The following SLC10A7 variants were observed in gnomAD, a reference collection of about 807,000 sequenced individuals.
SLC10A7 encodes the protein sodium/bile acid cotransporter 7.
In SLC10A7, 29 loss-of-function variants were observed where a neutral mutation model predicts 43.2. That is an observed-to-expected ratio of 0.67 (90% CI 0.50 to 0.92). SLC10A7 has a LOEUF of 0.92. Ranked by LOEUF, SLC10A7 falls within the 40% of genes least tolerant of loss-of-function variation. The pLI, the probability that SLC10A7 is intolerant of heterozygous loss-of-function variation, is 0.00. For missense variants in SLC10A7, 295 were observed against 403.2 expected, an observed-to-expected ratio of 0.73 and a Z score of 2.30; for synonymous variants, 152 against 144.8, an observed-to-expected ratio of 1.05 and a Z score of -0.35.
At chr4:146,453,039 A>G (rs528658911) in intron 4 of SLC10A7, among the ~76,000 whole-genome samples, 32 of 150,866 alleles carry the variant, frequency 2.1e-4, no homozygotes, top group Admixed American at 4.6e-4. Context: ...GTGTGTGTAT[A>G]TATATATATA....
intron 5 of SLC10A7, among the ~76,000 whole-genome samples, chr4:146,361,920 T>A (rs1256488837): frequency 2.6e-5 from 4 of 152,050 alleles, no homozygotes. Context: ...AAGCAAAAAT[T>A]CTGGAGCTGA....
intron 5 of SLC10A7, among the ~76,000 whole-genome samples, chr4:146,374,944 G>A (rs1013855621): frequency 4.6e-5 from 7 of 152,094 alleles, no homozygotes; most frequent in Non-Finnish European, 1.0e-4. Flanking sequence ...GGTGGCTTAC[G>A]CCTGTAATCC....
intron 5 of SLC10A7, among the ~76,000 whole-genome samples, chr4:146,382,467 T>C (rs1408279398): frequency 1.3e-5 from 2 of 152,158 alleles, no homozygotes; most frequent in East Asian, 3.9e-4. Context: ...TTTGTATCTT[T>C]AATAACGAGT....
chr4:146,398,429 T>A (rs1738989332), intron 5 of SLC10A7, among the ~76,000 whole-genome samples: 1 of 152,140 alleles, frequency 6.6e-6, no homozygotes, highest in Non-Finnish European at 1.5e-5. Flanking sequence ...ACAAAAGAAG[T>A]CAGAGAAGAA....
At chr4:146,447,961 G>A (rs1467518669) in intron 4 of SLC10A7, among the ~76,000 whole-genome samples, 5 of 150,424 alleles carry the variant, frequency 3.3e-5, no homozygotes, top group East Asian at 1.9e-4. Context: ...GCAAACTATC[G>A]CAAGGACAAA....
At chr4:146,302,978 G>A (rs1316431191) in intron 7 of SLC10A7, among the ~76,000 whole-genome samples, 1 of 152,164 alleles carries the variant, frequency 6.6e-6, no homozygotes, top group African/African-American at 2.4e-5. Flanking sequence ...TGCAGGGAGT[G>A]TTAGGTGAGT....
intron 5 of SLC10A7, among the ~76,000 whole-genome samples, chr4:146,373,743 C>T (rs1456475227): frequency 6.6e-6 from 1 of 152,114 alleles, no homozygotes; most frequent in Non-Finnish European, 1.5e-5. Flanking sequence ...CCACCAGAAT[C>T]TTAATTTAAT....
At chr4:146,369,480 C>T (rs374151051) in intron 5 of SLC10A7, among the ~76,000 whole-genome samples, 29 of 152,154 alleles carry the variant, frequency 1.9e-4, no homozygotes, top group African/African-American at 5.8e-4. Context: ...GAAGCAAACA[C>T]GCTGATAAAA....
chr4:146,453,832 T>C (rs1731809433), intron 4 of SLC10A7, among the ~76,000 whole-genome samples: 1 of 151,938 alleles, frequency 6.6e-6, no homozygotes. Flanking sequence ...TTAACACTTT[T>C]AAAGCCCTGG....
intron 4 of SLC10A7, among the ~76,000 whole-genome samples, chr4:146,466,480 T>G (rs959932393): frequency 2.0e-5 from 3 of 152,130 alleles, no homozygotes; most frequent in Admixed American, 6.6e-5. Flanking sequence ...GAATTTCATT[T>G]TTTCCCCCAA....
chr4:146,414,310 A>G (rs1214613402), intron 5 of SLC10A7, among the ~76,000 whole-genome samples: 4 of 152,228 alleles, frequency 2.6e-5, no homozygotes, highest in South Asian at 2.1e-4. Context: ...CCACGAAAAG[A>G]CACCAAGTAG....
chr4:146,517,860 T>C (rs1406715114), intron 1 of SLC10A7, among the ~76,000 whole-genome samples: 1 of 152,214 alleles, frequency 6.6e-6, no homozygotes, highest in African/African-American at 2.4e-5. Flanking sequence ...CAAAAGCTTA[T>C]AATCACACAT....
At chr4:146,497,622 C>T (rs1337780778) in intron 4 of SLC10A7, among the ~76,000 whole-genome samples, 1 of 152,120 alleles carries the variant, frequency 6.6e-6, no homozygotes, top group Non-Finnish European at 1.5e-5. Context: ...GCAAAAGAAG[C>T]AATATTGAGA....
intron 7 of SLC10A7, among the ~76,000 whole-genome samples, chr4:146,295,499 T>C (rs934004873): frequency 5.9e-5 from 9 of 152,148 alleles, no homozygotes; most frequent in Admixed American, 2.0e-4. Flanking sequence ...TTTCTTTCTT[T>C]AAATTTAAAA....
chr4:146,417,227 G>A (rs1246166908), intron 5 of SLC10A7, among the ~76,000 whole-genome samples: 2 of 152,210 alleles, frequency 1.3e-5, no homozygotes, highest in East Asian at 3.8e-4. Context: ...CCTTATGGCA[G>A]ATGCCTTGTT....
At chr4:146,336,307 G>A (rs1201410068) in intron 5 of SLC10A7, among the ~76,000 whole-genome samples, 9 of 152,086 alleles carry the variant, frequency 5.9e-5, no homozygotes, top group Non-Finnish European at 4.4e-5. Flanking sequence ...AGAAATAAGT[G>A]TAACAAACTT....
intron 5 of SLC10A7, among the ~76,000 whole-genome samples, chr4:146,391,258 T>C (rs1189705787): frequency 6.6e-6 from 1 of 152,202 alleles, no homozygotes; most frequent in Non-Finnish European, 1.5e-5. Context: ...ATACCAGTTT[T>C]TAAATATTGG....
rs1553991185 is a variant in SLC10A7 at position 146,519,112 on chromosome 4, T to TATATATATAA, written c.101-1993_101-1992insTTATATATAT. On this transcript the variant is annotated intron_variant, in intron 1 of 11. Transcript: ENST00000335472. ...ATATATATATATATATATATATATA[T>TATATATATAA]AATATAATATATAATTAATATATAT... is the stretch of plus-strand genomic sequence containing the variant. Among the ~76,000 whole-genome samples the TATATATATAA allele has an allele frequency of 2.5e-4, 4 of 15,958 alleles. 1 individual carries two copies. The highest frequency in any genetic ancestry group is 4.0e-4 in the Non-Finnish European group (4 of 10,018). 10.5% of individuals were successfully genotyped at this position (15,958 alleles called of 152,430 possible). A position where few individuals can be genotyped will look rare whatever the true frequency, so the allele number is the denominator to read the frequency against.
chr4:146,358,211 G>A (rs1196779487), intron 5 of SLC10A7, among the ~76,000 whole-genome samples: 1 of 151,994 alleles, frequency 6.6e-6, no homozygotes, highest in Non-Finnish European at 1.5e-5. Context: ...TTCTACATGG[G>A]ACAAAATAGT....
Sources: gnomAD v4.1 joint callset for allele counts (sites outside exome capture counted in the v4.1 genomes callset) on GRCh38, gnomAD v4.1.1 for gene constraint, MANE v1.5 for transcripts, NCBI Gene and HGNC (gene_info 2026-07-23, HGNC 2026-07-21) for gene names.